The following TPD52 variants were observed in gnomAD, a reference collection of about 807,000 sequenced individuals.
TPD52 encodes the protein tumor protein D52, also known as prostate and colon associated protein.
A neutral mutation model predicts 31.3 loss-of-function variants in TPD52; 17 were observed. That is an observed-to-expected ratio of 0.54 (90% confidence interval 0.37 to 0.82). TPD52 has a LOEUF of 0.82. TPD52 is among the 40% of genes least tolerant of loss of function. The probability of loss-of-function intolerance (pLI) is 0.00; values close to 1 mark genes in which losing one functional copy is unlikely to be tolerated. For synonymous variants in TPD52, 83 were observed against 89.6 expected (o/e 0.93, Z 0.42); for missense variants, 212 against 240.1 (o/e 0.88, Z 0.77).
chr8:80,061,552 G>A (rs1168416762), intron 2 of TPD52, among the ~76,000 whole-genome samples: 1 of 152,034 alleles, frequency 6.6e-6, no homozygotes, highest in Admixed American at 6.5e-5. Flanking sequence ...GCAGATGGTG[G>A]CAAGCGCCTG....
intron 1 of TPD52, among the ~76,000 whole-genome samples, chr8:80,108,767 T>G (rs924938227): frequency 1.3e-5 from 2 of 152,256 alleles, no homozygotes; most frequent in African/African-American, 4.8e-5. Context: ...ATAATGTTTT[T>G]ATGACTTTAT....
At chr8:80,047,447 A>G (rs975580393) in intron 5 of TPD52, among the ~76,000 whole-genome samples, 3 of 152,212 alleles carry the variant, frequency 2.0e-5, no homozygotes, top group African/African-American at 4.8e-5. Context: ...AGGAGGGGAA[A>G]TATAAGCATA....
Position 80,091,909 on chromosome 8 carries a change from G to T in TPD52, c.20-27316C>A, listed in dbSNP as rs114589591. Among the ~76,000 whole-genome samples, 832 of 152,344 alleles carry T rather than the reference G, an allele frequency of 5.5e-3. 5 individuals are homozygous for T. The highest frequency in any genetic ancestry group is 0.018 in the African/African-American group (756 of 41,578). On this transcript the variant is annotated intron_variant, in intron 1 of 7. Transcript: ENST00000518937. ...ACAGCTGCTAAGTTTGCCTGAGGAT[G>T]AAAGCTTGAGTAAACTCTGAATACT...
intron 1 of TPD52, among the ~76,000 whole-genome samples, chr8:80,120,243 A>T (rs191655049): frequency 1.3e-5 from 2 of 152,290 alleles, no homozygotes; most frequent in Admixed American, 1.3e-4. Context: ...TAATCCTAAC[A>T]CTGTGGGAGG....
At chr8:80,134,186 C>G (rs1265614107) in intron 1 of TPD52, among the ~76,000 whole-genome samples, 1 of 152,214 alleles carries the variant, frequency 6.6e-6, no homozygotes, top group Admixed American at 6.5e-5. Context: ...TGAATGCTTA[C>G]TATGTGCCGG....
At chr8:80,125,084 G>GTAA (rs1808511652) in intron 1 of TPD52, among the ~76,000 whole-genome samples, 1 of 152,174 alleles carries the variant, frequency 6.6e-6, no homozygotes, top group Non-Finnish European at 1.5e-5. Flanking sequence ...AGACTCAGAG[G>GTAA]TAATGGTTTA....
At chr8:80,104,342 G>A (rs1310468125) in intron 1 of TPD52, among the ~76,000 whole-genome samples, 3 of 152,160 alleles carry the variant, frequency 2.0e-5, no homozygotes, top group East Asian at 1.9e-4. Flanking sequence ...AAAAGAATGG[G>A]CAAATCTTAC....
chr8:80,054,362 C>G (rs1436492839), intron 2 of TPD52, among the ~76,000 whole-genome samples: 3 of 152,084 alleles, frequency 2.0e-5, no homozygotes, highest in Non-Finnish European at 4.4e-5. Flanking sequence ...GAACAAAAGG[C>G]TAATCCAGGA....
chr8:80,046,414 T>G (rs1304875880), intron 5 of TPD52, among the ~76,000 whole-genome samples: 1 of 152,224 alleles, frequency 6.6e-6, no homozygotes, highest in African/African-American at 2.4e-5. Context: ...CATAGTTAGA[T>G]GAAATTCAAT....
chr8:80,031,248 T>C (rs1443300950), downstream of TPD52, among the ~76,000 whole-genome samples: 1 of 152,234 alleles, frequency 6.6e-6, no homozygotes, highest in African/African-American at 2.4e-5. Context: ...AAGAATGCCT[T>C]GACTATGGGT....
intron 1 of TPD52, among the ~76,000 whole-genome samples, chr8:80,065,707 A>G (rs1813064428): frequency 6.6e-6 from 1 of 152,242 alleles, no homozygotes; most frequent in Non-Finnish European, 1.5e-5. Context: ...CTTTGTCTCA[A>G]ACTCCAAAAT....
chr8:80,087,790 T>C (rs1259871154), intron 1 of TPD52, among the ~76,000 whole-genome samples: 2 of 152,296 alleles, frequency 1.3e-5, no homozygotes, highest in Non-Finnish European at 2.9e-5. Flanking sequence ...GGGACCCTGT[T>C]GCACAGGGTG....
intron 2 of TPD52, among the ~76,000 whole-genome samples, chr8:80,064,171 G>A (rs999151249): frequency 2.6e-5 from 4 of 152,152 alleles, no homozygotes; most frequent in African/African-American, 9.7e-5. Flanking sequence ...GCACTGAAGA[G>A]CAAGTGTATC....
downstream of TPD52, chr8:80,033,167 GC>G (rs1469470278): frequency 1.3e-5 from 2 of 152,538 alleles, no homozygotes; most frequent in African/African-American, 4.8e-5. Flanking sequence ...AAACCCAAAA[GC>G]TCAGAGATGC....
At chr8:80,099,438 G>A (rs548124955) in intron 1 of TPD52, among the ~76,000 whole-genome samples, 2 of 151,768 alleles carry the variant, frequency 1.3e-5, no homozygotes, top group South Asian at 4.2e-4. Flanking sequence ...TGATGGGAGG[G>A]TATTACCATC....
chr8:80,162,752 C>G (rs1409185743), intron 1 of TPD52, among the ~76,000 whole-genome samples: 1 of 151,942 alleles, frequency 6.6e-6, no homozygotes, highest in Non-Finnish European at 1.5e-5. Context: ...TACAACTCAA[C>G]AACTAATCTG....
chr8:80,031,173 C>T (rs959948057), downstream of TPD52, among the ~76,000 whole-genome samples: 7 of 152,246 alleles, frequency 4.6e-5, no homozygotes, highest in African/African-American at 1.7e-4. Flanking sequence ...TGGGGGCACA[C>T]ACCTTTCCAG....
chr8:80,054,584 C>T (rs774505428), intron 2 of TPD52, among the ~76,000 whole-genome samples: 1 of 152,050 alleles, frequency 6.6e-6, no homozygotes, highest in African/African-American at 2.4e-5. Context: ...CCAACCTGCA[C>T]GGTATTTCTA....
intron 1 of TPD52, among the ~76,000 whole-genome samples, chr8:80,095,709 G>A (rs557289518): frequency 1.6e-4 from 25 of 152,282 alleles, no homozygotes; most frequent in Admixed American, 6.5e-4. Flanking sequence ...CACTTGGGAG[G>A]CCAAGGTGGG....
Sources: allele counts gnomAD v4.1 joint callset (sites outside exome capture counted in the v4.1 genomes callset), GRCh38; gene constraint gnomAD v4.1.1; transcripts MANE v1.5; gene names NCBI Gene and HGNC (gene_info 2026-07-23, HGNC 2026-07-21).